The following CMTM4 variants were observed in gnomAD, a reference collection of about 807,000 sequenced individuals.
CMTM4 encodes CKLF like MARVEL transmembrane domain containing 4, also known as CKLF-like MARVEL transmembrane domain-containing protein 4.
Under a neutral mutation model 19.0 loss-of-function variants are expected in CMTM4, and 8 were observed. The ratio of observed to expected loss-of-function variants is 0.42; its 90% CI spans 0.25 to 0.76. The LOEUF is 0.76. Among genes scored for constraint, CMTM4 ranks in the 30% least tolerant of loss-of-function variants. The pLI is 0.27. For synonymous variants in CMTM4, 106 were observed against 121.1 expected (o/e 0.88, Z 0.82); for missense variants, 228 against 290.2 (o/e 0.79, Z 1.56).
At chr16:66,609,588 G>A in the CMTM4 span, 2 of 1,535,976 alleles carry the variant, frequency 1.3e-6, no homozygotes, top group African/African-American at 2.7e-5. This position sits in a 1 kb window ranked among gnomAD's most constrained non-coding sequence, Gnocchi z 4.4. Context: ...CCCTCATTTA[G>A]GGTGGGACCT....
intron 1 of CMTM4, among the ~76,000 whole-genome samples, chr16:66,687,028 T>C (rs1481710809): frequency 6.6e-6 from 1 of 152,158 alleles, no homozygotes; most frequent in Admixed American, 6.5e-5. Context: ...TCTAATTTTC[T>C]TTAATGTTAC....
At chr16:66,609,759 G>A (rs1276743055), downstream of CMTM4, 1 of 1,595,764 alleles carries the variant, frequency 6.3e-7, no homozygotes, top group South Asian at 1.1e-5. The surrounding 1 kb of genome is among the most constrained non-coding windows in gnomAD (Gnocchi z 4.4). Context: ...TTACTCACAG[G>A]GGTCTGTGCC....
chr16:66,620,219 A>AAT lies in CMTM4; in HGVS notation c.*1838_*1839insAT. 1 of 985,452 alleles carries AAT rather than the reference A, an allele frequency of 1.0e-6. No individual in the cohort carries two copies. The highest frequency in any genetic ancestry group is 1.2e-6 in the Non-Finnish European group (1 of 829,936). The allele number at this position is 985,452 out of a possible 1,614,324, so 61.0% of individuals were successfully genotyped here. On this transcript the variant is annotated 3_prime_UTR_variant, in exon 4 of 4. Transcript: ENST00000394106. ...CTGAGCCTTTGTGGCCCTATTTTAAAAGGAACTCTCAAAGAGAGATAAGCC... is the reference window on the plus strand; with the variant it reads ...CTGAGCCTTTGTGGCCCTATTTTAAAATAGGAACTCTCAAAGAGAGATAAGCC...
chr16:66,653,566 CAGTG>C (rs1334776409), intron 1 of CMTM4, among the ~76,000 whole-genome samples: 1 of 152,190 alleles, frequency 6.6e-6, no homozygotes, highest in Non-Finnish European at 1.5e-5. Flanking sequence ...GCTCCAGAGA[CAGTG>C]AGAACAGTGG....
At chr16:66,599,506 G>A in the CMTM4 span, among the ~76,000 whole-genome samples, 30 of 150,102 alleles carry the variant, frequency 2.0e-4, no homozygotes, top group African/African-American at 7.4e-4. Flanking sequence ...TTTGTTTGTT[G>A]AGACAAGGTC....
chr16:66,625,446 AAAAG>A (rs1422940321), intron 2 of CMTM4, among the ~76,000 whole-genome samples: 79 of 152,034 alleles, frequency 5.2e-4, no homozygotes, highest in African/African-American at 1.7e-3. Flanking sequence ...AAAAAAAAAA[AAAAG>A]AAAAAGAAAA....
At chr16:66,687,064 A>C (rs2017046919) in intron 1 of CMTM4, among the ~76,000 whole-genome samples, 1 of 151,822 alleles carries the variant, frequency 6.6e-6, no homozygotes, top group African/African-American at 2.4e-5. Flanking sequence ...AAATGAGGGT[A>C]AATTCCTTTC....
the CMTM4 span, chr16:66,608,168 C>A: frequency 1.2e-6 from 1 of 859,946 alleles, no homozygotes; most frequent in Non-Finnish European, 1.8e-6. The surrounding 1 kb of genome is among the most constrained non-coding windows in gnomAD (Gnocchi z 5.1). Context: ...CTGGCTCTGC[C>A]ACTTCCCAGC....
At chr16:66,640,279 T>C (rs1158751728) in intron 1 of CMTM4, among the ~76,000 whole-genome samples, 2 of 152,186 alleles carry the variant, frequency 1.3e-5, no homozygotes, top group South Asian at 4.1e-4. Flanking sequence ...CACTCCAGCC[T>C]GGGTGATAGA....
intron 1 of CMTM4, among the ~76,000 whole-genome samples, chr16:66,680,867 A>G (rs950639652): frequency 1.3e-5 from 2 of 151,138 alleles, no homozygotes; most frequent in African/African-American, 4.9e-5. Context: ...CTCCACTGCC[A>G]AAAGACCAGT....
intron 1 of CMTM4, among the ~76,000 whole-genome samples, chr16:66,639,744 A>G (rs530866083): frequency 6.6e-6 from 1 of 152,084 alleles, no homozygotes; most frequent in East Asian, 1.9e-4. Context: ...GTAGCTGGGC[A>G]TGGTAGCACA....
intron 2 of CMTM4, among the ~76,000 whole-genome samples, chr16:66,624,860 G>A (rs776486921): frequency 1.3e-5 from 2 of 152,210 alleles, no homozygotes; most frequent in Non-Finnish European, 2.9e-5. Flanking sequence ...CCTGGCTCAT[G>A]GAAAGCTCTG....
At chr16:66,651,526 C>T (rs746373604) in intron 1 of CMTM4, among the ~76,000 whole-genome samples, 6 of 152,154 alleles carry the variant, frequency 3.9e-5, no homozygotes, top group Non-Finnish European at 7.3e-5. Flanking sequence ...GCACCTCCAT[C>T]GTGTGGCCAG....
intron 1 of CMTM4, among the ~76,000 whole-genome samples, chr16:66,638,207 TA>T (rs2016032863): frequency 6.6e-6 from 1 of 152,156 alleles, no homozygotes; most frequent in African/African-American, 2.4e-5. Context: ...CCGGAGCTTT[TA>T]GGGGGCAGGG....
At position 66,621,006 on chromosome 16, in the gene CMTM4, G is replaced by T; in HGVS notation, c.*1052C>A. 1 of 985,858 alleles carries T rather than the reference G, an allele frequency of 1.0e-6. No homozygotes were observed. Among genetic ancestry groups the T allele is most frequent in the Non-Finnish European group, 1.2e-6 (1 of 829,936 alleles). The allele number at this position is 985,858 out of a possible 1,614,324, so 61.1% of individuals were successfully genotyped here. On this transcript the variant is annotated 3_prime_UTR_variant, in exon 4 of 4. Coordinates refer to ENST00000394106, the MANE Select transcript of CMTM4 (RefSeq NM_181521.3). Reference sequence around the variant, plus strand: ...ACTGAGGCGCCCAAAGCGACAATTAGTGCCTTCTGAAACATGGGTGGAAGG... The same window carrying T: ...ACTGAGGCGCCCAAAGCGACAATTATTGCCTTCTGAAACATGGGTGGAAGG...
chr16:66,675,774 C>T (rs904550836), intron 1 of CMTM4, among the ~76,000 whole-genome samples: 1 of 152,114 alleles, frequency 6.6e-6, no homozygotes, highest in Non-Finnish European at 1.5e-5. Flanking sequence ...ACTGCAGGAC[C>T]GAACAGCCGT....
downstream of CMTM4, chr16:66,612,999 C>A: frequency 1.4e-6 from 1 of 700,582 alleles, no homozygotes; most frequent in Non-Finnish European, 2.6e-6. The surrounding 1 kb of genome is among the most constrained non-coding windows in gnomAD (Gnocchi z 6.0). Flanking sequence ...TGGCGGGGGT[C>A]GGGGGTCTTC....
rs2015564059 is a variant in CMTM4 at position 66,618,326 on chromosome 16, C to T, written c.*3732G>A. ...GGAGAAGATGACAGTCAGGCAGTGG[C>T]ACAAAGACTTCATGACTGTTTTGTT... On this transcript the variant is annotated 3_prime_UTR_variant, in exon 4 of 4. Coordinates refer to ENST00000394106, the MANE Select transcript of CMTM4 (RefSeq NM_181521.3). 1 of 985,286 alleles carries T rather than the reference C, an allele frequency of 1.0e-6. No homozygotes were observed. Among genetic ancestry groups the T allele is most frequent in the African/African-American group, 1.7e-5 (1 of 57,224 alleles). The allele number at this position is 985,286 out of a possible 1,614,324, so 61.0% of individuals were successfully genotyped here. A position where few individuals can be genotyped will look rare whatever the true frequency, so the allele number is the denominator to read the frequency against.
At chr16:66,634,966 G>A (rs17767429) in intron 2 of CMTM4, among the ~76,000 whole-genome samples, 6,674 of 152,070 alleles carry the variant, frequency 0.044, 272 homozygotes, top group East Asian at 0.16. Context: ...AGGTCCTCCC[G>A]CAGGGTTTCA....
Sources: allele counts gnomAD v4.1 joint callset (sites outside exome capture counted in the v4.1 genomes callset), GRCh38; gene constraint gnomAD v4.1.1; non-coding constraint Gnocchi (gnomAD v3.1); transcripts MANE v1.5; gene names NCBI Gene and HGNC (gene_info 2026-07-23, HGNC 2026-07-21).